The following ST6GALNAC2 variants were observed in gnomAD, a reference collection of about 807,000 sequenced individuals.
ST6GALNAC2 encodes the protein alpha-N-acetylgalactosaminide alpha-2,6-sialyltransferase 2.
A neutral mutation model predicts 38.7 loss-of-function variants in ST6GALNAC2; 42 were observed. That is an observed-to-expected ratio of 1.09 (90% CI 0.85 to 1.40). The LOEUF is 1.40. ST6GALNAC2 is among the 40% of genes most tolerant of loss of function. The pLI is 0.00. For synonymous variants in ST6GALNAC2, 233 were observed against 209.0 expected, an observed-to-expected ratio of 1.11 and a Z score of -0.99; for missense variants, 506 against 481.7, an observed-to-expected ratio of 1.05 and a Z score of -0.47.
intron 7 of ST6GALNAC2, 126 bp downstream of exon 7, chr17:76,568,587 C>T (rs369764003): frequency 2.9e-4 from 256 of 870,054 alleles, no homozygotes; most frequent in Middle Eastern, 1.3e-3. Context: ...ACACAGCACT[C>T]GGGACAGTGG....
rs541539702 is a variant in ST6GALNAC2 at position 76,568,699 on chromosome 17, A to C, written c.857+14T>G. ...AGGAAGGGGACGCTGTTCTTCAGGC[A>C]CCCCACTCCGTACCTTTCTGTCAGG... On this transcript the variant is annotated intron_variant, in intron 7 of 8. Transcript: ENST00000225276. 2.0e-5 allele frequency: 33 copies of C among 1,613,086 alleles called. 1 individual carries two copies. In the South Asian group the frequency reaches 3.2e-4, roughly 16 times the overall value.
chr17:76,572,895 T>G, intron 4 of ST6GALNAC2, 120 bp from the exon 5 acceptor site: 1 of 1,263,950 alleles, frequency 7.9e-7, no homozygotes, highest in Non-Finnish European at 1.1e-6. Context: ...CTTCTGCCCA[T>G]GGCAGTACCA....
At chr17:76,580,055 G>A (rs1407294345) in intron 1 of ST6GALNAC2, among the ~76,000 whole-genome samples, 1 of 152,182 alleles carries the variant, frequency 6.6e-6, no homozygotes, top group Admixed American at 6.5e-5. Context: ...ATACAATAGG[G>A]ATAATCATAT....
Position 76,573,248 on chromosome 17 carries a change from A to G in ST6GALNAC2, c.477T>C (p.Ile159=). ...IRCAVVGNGG[I]LNGSRQGPNI... Reference sequence around the variant, plus strand: ...TGGGACCCTGGCGGGACCCATTCAGAATGCCTCCGTTGCCCACCACGGCAC... The same window carrying G: ...TGGGACCCTGGCGGGACCCATTCAGGATGCCTCCGTTGCCCACCACGGCAC... The change falls in exon 4 of 9, where the codon ATT becomes ATC. Residue 159 remains isoleucine (I), a synonymous_variant. Transcript: ENST00000225276. The surrounding 1 kb of genome is among the most constrained non-coding windows in gnomAD (Gnocchi z 5.1). The G allele has an allele frequency of 6.2e-7, 1 of 1,613,328 alleles. No individual in the cohort carries two copies.
Position 76,570,572 on chromosome 17 carries a change from C to G in ST6GALNAC2, c.766G>C (p.Gly256Arg). The change falls in exon 6 of 9, where the codon GGG (glycine) becomes CGG (arginine). Residue 256 changes from glycine (G) to arginine (R), a missense_variant. By Grantham distance (125) the Gly-to-Arg change is moderately radical. Transcript: ENST00000225276. ...GVPVPEGLDK[G>R]DRPHAYFGPE... is the part of the protein sequence containing the mutation. ...CACGGCCTGGCTGCTCACCTGTCCCCTTTATCTAGGCCCTCAGGGACAGGC... is the reference window on the plus strand; with the variant it reads ...CACGGCCTGGCTGCTCACCTGTCCCGTTTATCTAGGCCCTCAGGGACAGGC... The G allele has an allele frequency of 1.2e-6, 2 of 1,610,388 alleles. No individual in the cohort carries two copies. Among genetic ancestry groups the G allele is most frequent in the Non-Finnish European group, 1.7e-6 (2 of 1,178,174 alleles).
chr17:76,578,774 C>G lies in ST6GALNAC2; in HGVS notation c.168G>C (p.Ser56=), dbSNP rs372232557. The G allele has an allele frequency of 6.2e-7, 1 of 1,613,326 alleles. No homozygotes were observed. The part of the protein sequence containing the change: ...SFEAFFQSKA[S]NSWTGKGQAC... Reference sequence around the variant, plus strand: ...ACTCTACCTTTCCTGTCCAAGAATTCGATGCCTTGGATTGAAAGAATGCTT... The same window carrying G: ...ACTCTACCTTTCCTGTCCAAGAATTGGATGCCTTGGATTGAAAGAATGCTT... The change falls in exon 2 of 9, where the codon TCG becomes TCC. Residue 56 remains serine (S), a synonymous_variant. Transcript: ENST00000225276.
chr17:76,566,566 A>AT (rs1381047179), intron 8 of ST6GALNAC2, among the ~76,000 whole-genome samples: 1 of 152,064 alleles, frequency 6.6e-6, no homozygotes, highest in African/African-American at 2.4e-5. Context: ...CCTGCATCAG[A>AT]ATAGGAAAAG....
In ST6GALNAC2 at chr17:76,566,132, G is replaced by T. The variant is rs761706825; in HGVS notation, c.1097C>A (p.Ala366Asp). The change falls in exon 9 of 9, where the codon GCC (alanine) becomes GAC (aspartate). Residue 366 changes from alanine (A) to aspartate (D), a missense_variant. Physicochemically the swap from Ala to Asp is moderately radical, Grantham distance 126 (BLOSUM62 -2). Transcript: ENST00000225276. Reference protein sequence around the residue: ...EAALWRDLHKAGILQLYQR With the variant: ...EAALWRDLHKDGILQLYQR ...GCGCTGGTACAGCTGAAGGATGCCGGCCTTGTGCAGGTCCCTCCACAGGGC... is the reference window on the plus strand; with the variant it reads ...GCGCTGGTACAGCTGAAGGATGCCGTCCTTGTGCAGGTCCCTCCACAGGGC... The T allele has an allele frequency of 1.2e-6, 2 of 1,614,082 alleles. No individual in the cohort carries two copies. The highest frequency in any genetic ancestry group is 3.3e-5 in the Admixed American group (2 of 60,026).
At chr17:76,577,573 A>ATTTTT (rs71158024) in intron 2 of ST6GALNAC2, among the ~76,000 whole-genome samples, 2 of 117,104 alleles carry the variant, frequency 1.7e-5, no homozygotes, top group South Asian at 2.8e-4. Context: ...TGGCCTCTGT[A>ATTTTT]TTTTTTTTTT....
At chr17:76,577,824 C>T (rs1424895181) in intron 2 of ST6GALNAC2, among the ~76,000 whole-genome samples, 4 of 152,030 alleles carry the variant, frequency 2.6e-5, no homozygotes, top group East Asian at 1.9e-4. Flanking sequence ...CTGCCCACCT[C>T]GGCCCCCCAA....
chr17:76,577,721 C>T (rs998001717), intron 2 of ST6GALNAC2, among the ~76,000 whole-genome samples: 10 of 151,514 alleles, frequency 6.6e-5, no homozygotes, highest in African/African-American at 1.5e-4. Flanking sequence ...TACAGGAGCC[C>T]GCCACCATGC....
intron 5 of ST6GALNAC2, 45 bp from the exon 6 acceptor site, chr17:76,570,713 T>C: frequency 2.0e-6 from 3 of 1,477,960 alleles, no homozygotes; most frequent in Non-Finnish European, 2.8e-6. Flanking sequence ...CCAGGACATG[T>C]TTAGCTCCTC....
intron 6 of ST6GALNAC2, chr17:76,569,211 G>C (rs1288324942): frequency 4.4e-6 from 1 of 226,986 alleles, no homozygotes; most frequent in Non-Finnish European, 7.9e-6. Flanking sequence ...GCTGGAAAAA[G>C]GGGGGCTCCT....
rs991238079 is a variant in ST6GALNAC2, at chr17:76,573,851, G to T, written c.362-488C>A. On this transcript the variant is annotated intron_variant, in intron 3 of 8. Transcript: ENST00000225276. The surrounding 1 kb of genome is among the most constrained non-coding windows in gnomAD (Gnocchi z 5.1). Reference sequence around the variant, plus strand: ...TGAGGCACAAGAATCACTTGAACCCGGGAGGCGGAGGTTGTAGTGAGCTGA... The same window carrying T: ...TGAGGCACAAGAATCACTTGAACCCTGGAGGCGGAGGTTGTAGTGAGCTGA... 6.6e-6 allele frequency among the ~76,000 whole-genome samples: 1 copy of T among 152,182 alleles called. No homozygotes were observed. The highest frequency in any genetic ancestry group is 2.4e-5 in the African/African-American group (1 of 41,430).
chr17:76,572,594 G>C, intron 5 of ST6GALNAC2, 43 bp downstream of exon 5: 1 of 1,611,144 alleles, frequency 6.2e-7, no homozygotes, highest in Non-Finnish European at 8.5e-7. Flanking sequence ...AGGAACAATG[G>C]TGCCATTGTC....
chr17:76,570,626 C>A lies in ST6GALNAC2; in HGVS notation c.712G>T (p.Val238Leu). 1 of 1,613,380 alleles carries A rather than the reference C, an allele frequency of 6.2e-7. No individual in the cohort carries two copies. The highest frequency in any genetic ancestry group is 8.5e-7 in the Non-Finnish European group (1 of 1,179,838). The stretch of plus-strand genomic sequence containing the variant: ...CCCAGAATGGCCGATCTCAGCATCA[C>A]ATAGTCGCGGATGTCTGAGGGGATG... ...IFIPSDIRDY[V>L]MLRSAILGVP... The change falls in exon 6 of 9, where the codon GTG (valine) becomes TTG (leucine). Residue 238 changes from valine to leucine, a missense_variant. Physicochemically the swap from Val to Leu is conservative, Grantham distance 32. Coordinates refer to ENST00000225276, the MANE Select transcript of ST6GALNAC2 (RefSeq NM_006456.3).
At chr17:76,567,874 A>G (rs2075304614) in intron 7 of ST6GALNAC2, 2 of 300,132 alleles carry the variant, frequency 6.7e-6, no homozygotes, top group Non-Finnish European at 1.3e-5. Context: ...TCTACTCCAC[A>G]TCTTGATTAA....
intron 8 of ST6GALNAC2, 115 bp downstream of exon 8, chr17:76,567,338 C>T (rs2075297035): frequency 1.4e-6 from 1 of 729,486 alleles, no homozygotes; most frequent in Non-Finnish European, 2.4e-6. Context: ...ACTGGGGATT[C>T]CACGAACAGA....
In ST6GALNAC2 at chr17:76,573,202, CAT is replaced by C; in HGVS notation, c.521_522del (p.Tyr174CysfsTer77). 6.4e-7 allele frequency: 1 copy of C among 1,564,330 alleles called. No individual in the cohort carries two copies. The highest frequency in any genetic ancestry group is 8.7e-7 in the Non-Finnish European group (1 of 1,145,306). On this transcript the variant is annotated frameshift_variant, in exon 4 of 9. Transcript: ENST00000225276. LOFTEE classifies it high-confidence loss of function. The surrounding 1 kb of genome is among the most constrained non-coding windows in gnomAD (Gnocchi z 5.1). Reference sequence around the variant, plus strand: ...AGCTCCTACCCCTCATACCTGAATACATAGTCATGGGCATCGATGTTGGGACC... The same window carrying C: ...AGCTCCTACCCCTCATACCTGAATACAGTCATGGGCATCGATGTTGGGACC... ...RQGPNIDAHD[Y>X]VFRLNGAVIK...
Sources: gnomAD v4.1 joint callset for allele counts (sites outside exome capture counted in the v4.1 genomes callset) on GRCh38, gnomAD v4.1.1 for gene constraint, Gnocchi (gnomAD v3.1) non-coding constraint, MANE v1.5 for transcripts, NCBI Gene and HGNC (gene_info 2026-07-23, HGNC 2026-07-21) for gene names.